Variants in LARGE1 observed in about 807,000 individuals in gnomAD.
The protein encoded by LARGE1 is xylosyl- and glucuronyltransferase LARGE1.
Under a neutral mutation model 87.6 loss-of-function variants are expected in LARGE1, and 43 were observed. The observed-to-expected ratio is 0.49, with a 90% CI of 0.38 to 0.63. The LOEUF is 0.63. Ranked by LOEUF, LARGE1 falls within the 30% of genes least tolerant of loss-of-function variation. The pLI, the probability that LARGE1 is intolerant of heterozygous loss-of-function variation, is 0.00. For synonymous variants in LARGE1, 434 were observed against 394.6 expected (o/e 1.10, Z -1.18); for missense variants, 802 against 1,000.2 (o/e 0.80, Z 2.67).
chr22:33,786,862 A>C (rs78249327), intron 1 of LARGE1, among the ~76,000 whole-genome samples: 11,030 of 152,124 alleles, frequency 0.073, 516 homozygotes, highest in Admixed American at 0.11. Flanking sequence ...TCTACTAAAA[A>C]ATACAAAAAT....
chr22:33,753,476 C>T (rs1601530144), intron 2 of LARGE1, among the ~76,000 whole-genome samples: 1 of 152,214 alleles, frequency 6.6e-6, no homozygotes, highest in Middle Eastern at 3.4e-3. Flanking sequence ...AACACCTTGA[C>T]TTTAGCCCAG....
rs553320374 is a variant in LARGE1, at chr22:33,895,097, A to G, written c.-83+24898T>C. ...TGCTGTGGGGGATGGGGAGGAGAGT[A>G]CACCTCTACAGAGGTGGGCAGAGTT... On this transcript the variant is annotated intron_variant, in intron 1 of 14. Transcript: ENST00000397394. Among the ~76,000 whole-genome samples, 5 of 152,220 alleles carry G rather than the reference A, an allele frequency of 3.3e-5. No individual in the cohort carries two copies. In the South Asian group the frequency reaches 1.0e-3, roughly 32 times the overall value.
chr22:33,637,364 A>G (rs2080296864), intron 3 of LARGE1, among the ~76,000 whole-genome samples: 1 of 152,204 alleles, frequency 6.6e-6, no homozygotes, highest in African/African-American at 2.4e-5. Context: ...GCAACAAGAG[A>G]AGGCTACTCT....
intron 7 of LARGE1, among the ~76,000 whole-genome samples, chr22:33,409,629 A>G (rs2066233175): frequency 6.6e-6 from 1 of 152,120 alleles, no homozygotes; most frequent in Admixed American, 6.6e-5. Context: ...GGGGAGGCTG[A>G]GGTGGGTGGA....
chr22:33,188,350 G>A (rs117473930), intron 11 of LARGE1, among the ~76,000 whole-genome samples: 238 of 152,134 alleles, frequency 1.6e-3, no homozygotes, highest in East Asian at 6.4e-3. Flanking sequence ...TTTGAACCGG[G>A]TCAATTCTAT....
the LARGE1 span, among the ~76,000 whole-genome samples, chr22:33,115,154 T>G: frequency 6.6e-6 from 1 of 152,304 alleles, no homozygotes; most frequent in South Asian, 2.1e-4. Flanking sequence ...CAAATTAACA[T>G]GTTGAAGTTC....
At chr22:33,718,802 G>A (rs2082989125) in intron 2 of LARGE1, among the ~76,000 whole-genome samples, 1 of 152,192 alleles carries the variant, frequency 6.6e-6, no homozygotes, top group Non-Finnish European at 1.5e-5. Flanking sequence ...TTCTGAGATG[G>A]AGTCTCGCTC....
chr22:33,070,671 G>C, the LARGE1 span, among the ~76,000 whole-genome samples: 1 of 152,172 alleles, frequency 6.6e-6, no homozygotes, highest in Non-Finnish European at 1.5e-5. Flanking sequence ...TACTGTGCAG[G>C]GGGCGGGACT....
intron 9 of LARGE1, among the ~76,000 whole-genome samples, chr22:33,376,451 G>C (rs899828030): frequency 3.9e-5 from 6 of 152,188 alleles, no homozygotes; most frequent in African/African-American, 1.4e-4. Context: ...TCTCGTGCCT[G>C]ATGTCTGGGC....
intron 1 of LARGE1, among the ~76,000 whole-genome samples, chr22:33,863,189 G>C (rs995236458): frequency 2.0e-5 from 3 of 152,064 alleles, no homozygotes; most frequent in Non-Finnish European, 4.4e-5. Flanking sequence ...CTTTATCTCG[G>C]GCGTGCCACC....
At chr22:33,090,154 G>A in the LARGE1 span, among the ~76,000 whole-genome samples, 4 of 152,260 alleles carry the variant, frequency 2.6e-5, no homozygotes, top group East Asian at 3.9e-4. Flanking sequence ...GCAGATAGCC[G>A]AGATCGCACC....
At chr22:33,356,268 T>C (rs1234694022) in intron 9 of LARGE1, among the ~76,000 whole-genome samples, 2 of 152,242 alleles carry the variant, frequency 1.3e-5, no homozygotes, top group East Asian at 3.9e-4. Flanking sequence ...CTGAAAATTA[T>C]CCAGGAGCAA....
the LARGE1 span, among the ~76,000 whole-genome samples, chr22:33,075,188 T>C: frequency 6.6e-6 from 1 of 152,208 alleles, no homozygotes; most frequent in African/African-American, 2.4e-5. Context: ...AATAGCTATG[T>C]TTCTGTAGCT....
intron 9 of LARGE1, among the ~76,000 whole-genome samples, chr22:33,341,445 C>A (rs1401400197): frequency 2.6e-5 from 4 of 152,118 alleles, no homozygotes; most frequent in Non-Finnish European, 5.9e-5. Flanking sequence ...TGAGAGTCTG[C>A]AGCAGGGTCC....
intron 2 of LARGE1, among the ~76,000 whole-genome samples, chr22:33,709,435 A>C (rs1449854735): frequency 6.6e-6 from 1 of 152,158 alleles, no homozygotes; most frequent in Admixed American, 6.5e-5. Flanking sequence ...ACTGGGACTC[A>C]TATCTAGGGT....
rs144702594 is a variant in LARGE1, at chr22:33,843,060, C to T, written c.-83+76935G>A. ...TGGCCCTGGATTTCCATACTCCTAG[C>T]CTTCCTGGAAGACATCCTTTTCATC... On this transcript the variant is annotated intron_variant, in intron 1 of 14. Coordinates refer to ENST00000397394, the MANE Select transcript of LARGE1 (RefSeq NM_133642.5). Among the ~76,000 whole-genome samples the T allele has an allele frequency of 5.0e-3, 762 of 152,320 alleles. 8 individuals are homozygous for T. The highest frequency in any genetic ancestry group is 0.017 in the African/African-American group (715 of 41,580).
At chr22:33,842,958 A>C (rs116540390) in intron 1 of LARGE1, among the ~76,000 whole-genome samples, 2 of 140,366 alleles carry the variant, frequency 1.4e-5, no homozygotes, top group African/African-American at 5.7e-5. Flanking sequence ...CAAAACAAAA[A>C]AACCACAACA....
rs1033079685 is a variant in LARGE1 at position 33,707,533 on chromosome 22, T to C, written c.106+53838A>G. The stretch of plus-strand genomic sequence containing the variant: ...AGACTGTCCAAGCACACACGCATCA[T>C]GCTCCCTCCTTTCTCCAACTGCTCT... On this transcript the variant is annotated intron_variant, in intron 2 of 14. Coordinates refer to ENST00000397394, the MANE Select transcript of LARGE1 (RefSeq NM_133642.5). Among the ~76,000 whole-genome samples the C allele has an allele frequency of 6.6e-5, 10 of 152,374 alleles. 2 individuals carry two copies. Among genetic ancestry groups the C allele is most frequent in the Admixed American group, 6.5e-5 (1 of 15,306 alleles).
intron 1 of LARGE1, among the ~76,000 whole-genome samples, chr22:33,862,408 C>A (rs183944171): frequency 3.9e-4 from 60 of 152,294 alleles, no homozygotes; most frequent in African/African-American, 1.4e-3. Flanking sequence ...ACAATACAGG[C>A]GATCTTCTCA....
Sources: gnomAD v4.1 joint callset for allele counts (sites outside exome capture counted in the v4.1 genomes callset) on GRCh38, gnomAD v4.1.1 for gene constraint, MANE v1.5 for transcripts, NCBI Gene and HGNC (gene_info 2026-07-23, HGNC 2026-07-21) for gene names.